The following CENPW variants were observed in gnomAD, a reference collection of about 807,000 sequenced individuals.
CENPW encodes the protein centromere protein W, also known as cancer-up-regulated gene 2 protein.
In CENPW, 3 loss-of-function variants were observed where a neutral mutation model predicts 11.1. That is an observed-to-expected ratio of 0.27 (90% CI 0.12 to 0.70). The LOEUF (loss-of-function observed/expected upper bound fraction) is 0.70, where lower values mean the gene tolerates loss of function less well. CENPW is among the 30% of genes least tolerant of loss of function. The pLI is 0.77. For missense variants in CENPW, 100 were observed against 105.6 expected, an observed-to-expected ratio of 0.95 and a Z score of 0.23; for synonymous variants, 38 against 42.0, an observed-to-expected ratio of 0.91 and a Z score of 0.37.
chr6:126,431,320 C>T, the CENPW span, among the ~76,000 whole-genome samples: 1 of 152,110 alleles, frequency 6.6e-6, no homozygotes, highest in Non-Finnish European at 1.5e-5. Flanking sequence ...TGTTGCATTG[C>T]ATTTTAAAAG....
At chr6:126,443,516 T>C in the CENPW span, among the ~76,000 whole-genome samples, 1 of 151,320 alleles carries the variant, frequency 6.6e-6, no homozygotes, top group Non-Finnish European at 1.5e-5. Context: ...CCTGGTTATT[T>C]CTCTTAGATC....
At chr6:126,457,176 C>A in the CENPW span, among the ~76,000 whole-genome samples, 1 of 151,342 alleles carries the variant, frequency 6.6e-6, no homozygotes, top group South Asian at 2.1e-4. Context: ...TTTGACCCAG[C>A]AATTCCATTA....
At chr6:126,452,688 A>G in the CENPW span, among the ~76,000 whole-genome samples, 1 of 151,076 alleles carries the variant, frequency 6.6e-6, no homozygotes, top group Non-Finnish European at 1.5e-5. Context: ...TGCCAAAGAG[A>G]GAAAAAGTGC....
At chr6:126,477,003 C>A in the CENPW span, among the ~76,000 whole-genome samples, 4 of 151,786 alleles carry the variant, frequency 2.6e-5, no homozygotes, top group Non-Finnish European at 4.4e-5. Flanking sequence ...AAATATACTT[C>A]ATTAAAAAAC....
chr6:126,443,650 C>A, the CENPW span, among the ~76,000 whole-genome samples: 2 of 151,154 alleles, frequency 1.3e-5, no homozygotes, highest in African/African-American at 4.8e-5. Flanking sequence ...TTTCTCCCTG[C>A]ACTTCTTAAT....
the CENPW span, among the ~76,000 whole-genome samples, chr6:126,387,241 A>G: frequency 3.9e-5 from 6 of 151,976 alleles, no homozygotes; most frequent in Non-Finnish European, 7.4e-5. Flanking sequence ...TGAAATCTAC[A>G]TATCTGCAGG....
downstream of CENPW, among the ~76,000 whole-genome samples, chr6:126,349,192 T>C (rs796745588): frequency 7.7e-4 from 117 of 152,236 alleles, no homozygotes; most frequent in African/African-American, 2.8e-3. Context: ...GAAATAATTA[T>C]AGATTTCAAC....
the CENPW span, among the ~76,000 whole-genome samples, chr6:126,395,283 A>T: frequency 5.3e-5 from 8 of 151,714 alleles, no homozygotes; most frequent in African/African-American, 1.9e-4. Context: ...AAGTTCACTA[A>T]TTTTTTTTCT....
rs1780454094 is a variant in CENPW, at chr6:126,348,627, T to C, written c.*135T>C. Reference sequence around the variant, plus strand: ...TAAGTGATGTGTGTGTTTGTATTTTTTTTCTGGCATGAAATATCTCAAGTA... The same window carrying C: ...TAAGTGATGTGTGTGTTTGTATTTTCTTTCTGGCATGAAATATCTCAAGTA... On this transcript the variant is annotated 3_prime_UTR_variant, in exon 3 of 3. Transcript: ENST00000368328. 3 of 563,954 alleles carry C rather than the reference T, an allele frequency of 5.3e-6. No homozygotes were observed. Among genetic ancestry groups the C allele is most frequent in the Non-Finnish European group, 6.3e-6 (2 of 316,076 alleles). The allele number at this position is 563,954 out of a possible 1,614,324, so 34.9% of individuals were successfully genotyped here.
the CENPW span, among the ~76,000 whole-genome samples, chr6:126,470,529 A>T: frequency 1.3e-5 from 2 of 152,242 alleles, no homozygotes; most frequent in East Asian, 1.9e-4. Context: ...TAGAGTCCCC[A>T]TACAGAGTTG....
At chr6:126,375,956 G>A in the CENPW span, among the ~76,000 whole-genome samples, 1 of 152,126 alleles carries the variant, frequency 6.6e-6, no homozygotes, top group Non-Finnish European at 1.5e-5. Context: ...TTCCTATGCA[G>A]AGGCCCATCA....
chr6:126,385,310 T>C, the CENPW span, among the ~76,000 whole-genome samples: 1 of 152,180 alleles, frequency 6.6e-6, no homozygotes, highest in Non-Finnish European at 1.5e-5. Flanking sequence ...TGCACACATA[T>C]GTTAATCAGA....
chr6:126,396,628 C>T, the CENPW span, among the ~76,000 whole-genome samples: 1 of 152,054 alleles, frequency 6.6e-6, no homozygotes, highest in Non-Finnish European at 1.5e-5. Context: ...AGGAGTCTCT[C>T]ACCATATCCA....
chr6:126,480,216 G>A, the CENPW span, among the ~76,000 whole-genome samples: 1 of 151,922 alleles, frequency 6.6e-6, no homozygotes, highest in South Asian at 2.1e-4. Flanking sequence ...TAGGAATAAT[G>A]TTAATATAAG....
At chr6:126,452,440 G>A in the CENPW span, among the ~76,000 whole-genome samples, 148 of 151,118 alleles carry the variant, frequency 9.8e-4, no homozygotes, top group Non-Finnish European at 1.6e-3. Flanking sequence ...ACAGGAGAAC[G>A]TATTAGAAAT....
At chr6:126,414,404 C>G in the CENPW span, among the ~76,000 whole-genome samples, 1 of 152,096 alleles carries the variant, frequency 6.6e-6, no homozygotes, top group African/African-American at 2.4e-5. Context: ...CACGTTAGAT[C>G]ATAAAACAAG....
chr6:126,369,148 G>A, the CENPW span, among the ~76,000 whole-genome samples: 1 of 151,760 alleles, frequency 6.6e-6, no homozygotes, highest in African/African-American at 2.4e-5. Flanking sequence ...TCCATGGTGT[G>A]TGTATATATA....
chr6:126,409,085 A>T, the CENPW span, among the ~76,000 whole-genome samples: 2 of 151,972 alleles, frequency 1.3e-5, no homozygotes, highest in African/African-American at 4.8e-5. Flanking sequence ...GTAGGTACTT[A>T]TTGCTATAAA....
At chr6:126,471,238 T>C in the CENPW span, among the ~76,000 whole-genome samples, 1 of 152,168 alleles carries the variant, frequency 6.6e-6, no homozygotes, top group Non-Finnish European at 1.5e-5. Context: ...GGTATTCTTA[T>C]GATAGTGAGG....
Sources: allele counts gnomAD v4.1 joint callset (sites outside exome capture counted in the v4.1 genomes callset), GRCh38; gene constraint gnomAD v4.1.1; transcripts MANE v1.5; gene names NCBI Gene and HGNC (gene_info 2026-07-23, HGNC 2026-07-21).